Variants in PTPRK observed in about 807,000 individuals in gnomAD.
The protein encoded by PTPRK is protein tyrosine phosphatase receptor type K.
Under a neutral mutation model 178.0 loss-of-function variants are expected in PTPRK, and 75 were observed. The ratio of observed to expected loss-of-function variants is 0.42; its 90% confidence interval spans 0.35 to 0.51. The LOEUF (loss-of-function observed/expected upper bound fraction) is 0.51, where lower values mean the gene tolerates loss of function less well. Among genes scored for constraint, PTPRK ranks in the 20% least tolerant of loss-of-function variants. PTPRK has a pLI of 0.02. For missense variants in PTPRK, 1,441 were observed against 1,797.8 expected (o/e 0.80, Z 3.59); for synonymous variants, 637 against 620.6 (o/e 1.03, Z -0.39).
At chr6:128,464,636 C>CAT (rs1332123195) in intron 1 of PTPRK, among the ~76,000 whole-genome samples, 3 of 40,728 alleles carry the variant, frequency 7.4e-5, no homozygotes, top group South Asian at 1.4e-3. Context: ...TATATATATA[C>CAT]ACATATATAT....
At chr6:128,498,122 C>T (rs1416784937) in intron 1 of PTPRK, among the ~76,000 whole-genome samples, 1 of 152,270 alleles carries the variant, frequency 6.6e-6, no homozygotes, top group South Asian at 2.1e-4. Context: ...AGTCATCCTG[C>T]TTCCTTAACA....
At chr6:128,110,806 T>A (rs937997952) in intron 7 of PTPRK, among the ~76,000 whole-genome samples, 2 of 152,120 alleles carry the variant, frequency 1.3e-5, no homozygotes, top group Non-Finnish European at 2.9e-5. Flanking sequence ...CAAACTGAAG[T>A]ATGTTGACTC....
intron 13 of PTPRK, among the ~76,000 whole-genome samples, chr6:128,040,866 T>C (rs1434264177): frequency 6.6e-5 from 10 of 152,030 alleles, no homozygotes; most frequent in Admixed American, 6.6e-4. Flanking sequence ...AGCTCTTGAA[T>C]ACAGAATAGG....
intron 1 of PTPRK, among the ~76,000 whole-genome samples, chr6:128,461,231 C>CGTGTGTGTGTGTGTGTGTGT (rs144928884): frequency 3.4e-5 from 5 of 146,980 alleles, no homozygotes; most frequent in African/African-American, 9.9e-5. Context: ...TTTGTTATTC[C>CGTGTGTGTGTGTGTGTGTGT]GTGTGTGTGT....
chr6:128,095,877 A>C (rs1787832893), intron 7 of PTPRK, among the ~76,000 whole-genome samples: 1 of 152,222 alleles, frequency 6.6e-6, no homozygotes, highest in Non-Finnish European at 1.5e-5. Context: ...AGTAAGTCCA[A>C]GGAAAACAGT....
intron 7 of PTPRK, among the ~76,000 whole-genome samples, chr6:128,107,904 G>A (rs919459440): frequency 6.6e-6 from 1 of 152,104 alleles, no homozygotes; most frequent in Non-Finnish European, 1.5e-5. Context: ...ACTGTGTCAC[G>A]AGAGGCCTCT....
At chr6:128,064,685 A>G (rs1488247451) in intron 13 of PTPRK, 73 bp downstream of exon 13, 2 of 1,524,908 alleles carry the variant, frequency 1.3e-6, no homozygotes, top group Non-Finnish European at 1.7e-6. Context: ...GCCCTGAAGC[A>G]GGGAACAAAG....
intron 3 of PTPRK, among the ~76,000 whole-genome samples, chr6:128,320,380 A>G (rs570059237): frequency 1.3e-5 from 2 of 152,310 alleles, no homozygotes; most frequent in African/African-American, 4.8e-5. Flanking sequence ...ACGAGGAAAA[A>G]GAAATATATC....
chr6:128,352,752 C>A (rs1584312772), intron 2 of PTPRK, among the ~76,000 whole-genome samples: 2 of 152,250 alleles, frequency 1.3e-5, no homozygotes. Context: ...CAGCAGTATC[C>A]CCTAACAAAG....
chr6:128,245,905 C>T (rs1315642346), intron 3 of PTPRK, among the ~76,000 whole-genome samples: 1 of 152,148 alleles, frequency 6.6e-6, no homozygotes, highest in Non-Finnish European at 1.5e-5. Flanking sequence ...CTCTTGTTTA[C>T]AAATTCTTGA....
chr6:128,169,015 T>C (rs1436123096), intron 7 of PTPRK, among the ~76,000 whole-genome samples: 1 of 152,052 alleles, frequency 6.6e-6, no homozygotes, highest in Non-Finnish European at 1.5e-5. Flanking sequence ...AAATGTGGAA[T>C]CTTTTTTTCT....
chr6:128,018,796 G>T (rs572335786), intron 13 of PTPRK, among the ~76,000 whole-genome samples: 1 of 152,010 alleles, frequency 6.6e-6, no homozygotes, highest in Admixed American at 6.6e-5. Context: ...CACAGAAGCA[G>T]CATTAGATGG....
At chr6:128,133,694 A>G (rs1456815033) in intron 7 of PTPRK, among the ~76,000 whole-genome samples, 1 of 152,114 alleles carries the variant, frequency 6.6e-6, no homozygotes, top group African/African-American at 2.4e-5. Context: ...AGCTATCTGA[A>G]TGAAATAATA....
Position 128,067,610 on chromosome 6 carries a change from T to C in PTPRK, c.2066A>G (p.Asp689Gly), listed in dbSNP as rs1470857059. 4 of 1,613,286 alleles carry C rather than the reference T, an allele frequency of 2.5e-6. No homozygotes were observed. The highest frequency in any genetic ancestry group is 8.5e-7 in the Non-Finnish European group (1 of 1,179,530). ...CCAAAAGCCTTGGTAGGTCCGATTG[T>C]CACCCACAGTGAACGGGGCAGGCTC... ...LPEPAPFTVG[D>G]NRTYQGFWNP... Residue 689 changes from aspartate to glycine, a missense_variant, in exon 12 of 30, where the codon GAC becomes GGC. This residue lies in a region of PTPRK where 945 missense variants were observed against 1,080.6 expected (regional missense o/e 0.87). Transcript: ENST00000368226.
intron 7 of PTPRK, among the ~76,000 whole-genome samples, chr6:128,091,577 A>G (rs1439450730): frequency 6.6e-6 from 1 of 152,216 alleles, no homozygotes; most frequent in Non-Finnish European, 1.5e-5. Flanking sequence ...ATCTTGTTCT[A>G]AAATTATACA....
At chr6:128,276,265 TTTTA>T (rs1487123602) in intron 3 of PTPRK, among the ~76,000 whole-genome samples, 4 of 152,112 alleles carry the variant, frequency 2.6e-5, no homozygotes, top group South Asian at 2.1e-4. Context: ...TACCAGGCTA[TTTTA>T]TTTAAGAAAG....
intron 3 of PTPRK, among the ~76,000 whole-genome samples, chr6:128,310,834 T>C (rs1179107752): frequency 6.6e-6 from 1 of 152,266 alleles, no homozygotes; most frequent in Non-Finnish European, 1.5e-5. Flanking sequence ...TATGGCACAA[T>C]GAATCTTACT....
At chr6:128,416,500 A>G (rs1353896367) in intron 1 of PTPRK, among the ~76,000 whole-genome samples, 1 of 151,646 alleles carries the variant, frequency 6.6e-6, no homozygotes, top group Non-Finnish European at 1.5e-5. Context: ...AAAAAAAATT[A>G]GCCGGGTGTG....
rs59656384 is a variant in PTPRK at position 128,493,591 on chromosome 6, TACACACACACACACAC to T, written c.100+26652_100+26667del. 3.4e-3 allele frequency among the ~76,000 whole-genome samples: 421 copies of T among 124,028 alleles called. 4 individuals carry two copies. The highest frequency in any genetic ancestry group is 0.021 in the Middle Eastern group (5 of 236). 81.4% of individuals were successfully genotyped at this position (124,028 alleles called of 152,430 possible). ...AAAAAAAAAAGTACCTCCCGCCCCC[TACACACACACACACAC>T]ACACACACACACACACACACACACA... is the stretch of plus-strand genomic sequence containing the variant. On this transcript the variant is annotated intron_variant, in intron 1 of 29. Coordinates refer to ENST00000368226, the MANE Select transcript of PTPRK (RefSeq NM_002844.4).
Sources: gnomAD v4.1 joint callset for allele counts (sites outside exome capture counted in the v4.1 genomes callset) on GRCh38, gnomAD v4.1.1 for gene constraint, gnomAD v4.1.1 regional missense constraint, MANE v1.5 for transcripts, NCBI Gene and HGNC (gene_info 2026-07-23, HGNC 2026-07-21) for gene names.